SI: variants seen among roughly 807,000 people sequenced by gnomAD.
SI encodes the protein sucrase-isomaltase, intestinal.
SI carries 235 observed loss-of-function variants against 253.3 expected under a neutral mutation model. The ratio of observed to expected loss-of-function variants is 0.93; its 90% CI spans 0.83 to 1.03. The LOEUF is 1.03. SI is among the 50% of genes least tolerant of loss of function. SI has a pLI of 0.00. For synonymous variants in SI, 819 were observed against 712.0 expected (o/e 1.15, Z -2.39); for missense variants, 2,442 against 2,211.1 (o/e 1.10, Z -2.09).
At chr3:165,059,841 T>G in intron 10 of SI, 61 bp downstream of exon 10, 1 of 1,537,700 alleles carries the variant, frequency 6.5e-7, no homozygotes, top group Admixed American at 1.7e-5. Flanking sequence ...TTCCTACAGT[T>G]CTTATTATGT....
chr3:165,065,480 T>C (rs552345559), intron 6 of SI, 48 bp from the exon 7 acceptor site: 1 of 274,156 alleles, frequency 3.6e-6, no homozygotes, highest in Non-Finnish European at 5.9e-6. Context: ...TATATATATA[T>C]ATATATATAT....
intron 2 of SI, among the ~76,000 whole-genome samples, chr3:165,075,151 A>G (rs1254087610): frequency 6.6e-6 from 1 of 151,978 alleles, no homozygotes; most frequent in Non-Finnish European, 1.5e-5. Flanking sequence ...GAAGAATGGT[A>G]GATACCAACG....
intron 14 of SI, 139 bp downstream of exon 14, chr3:165,049,652 A>G (rs1325120267): frequency 3.2e-6 from 2 of 623,516 alleles, no homozygotes; most frequent in South Asian, 2.0e-5. Flanking sequence ...ATTTGTCTGA[A>G]GAAAAGATAA....
At position 165,068,873 on chromosome 3, in the gene SI, T is replaced by C. The variant is rs1294850655; in HGVS notation, c.374-42A>G. 3.9e-6 allele frequency: 5 copies of C among 1,279,302 alleles called. No individual in the cohort carries two copies. In the East Asian group the frequency reaches 9.3e-5, roughly 24 times the overall value. 79.2% of individuals were successfully genotyped at this position (1,279,302 alleles called of 1,614,324 possible). A position where few individuals can be genotyped will look rare whatever the true frequency, so the allele number is the denominator to read the frequency against. ...AAGCTGCCATGAGTGACTTGATTTA[T>C]AATGTTAACAATTATTAAATATATT... On this transcript the variant is annotated intron_variant, in intron 4 of 47. Transcript: ENST00000264382.
intron 16 of SI, among the ~76,000 whole-genome samples, chr3:165,043,833 A>C (rs1258169913): frequency 6.6e-6 from 1 of 152,000 alleles, no homozygotes; most frequent in Non-Finnish European, 1.5e-5. Flanking sequence ...TGTATGCATT[A>C]TAATGTAATT....
chr3:165,041,159 C>T, intron 17 of SI, 65 bp from the exon 18 acceptor site: 1 of 1,417,172 alleles, frequency 7.1e-7, no homozygotes, highest in Non-Finnish European at 9.9e-7. Flanking sequence ...AAAGTAGAAG[C>T]ATTTTAATCT....
In SI at chr3:165,023,791, C is replaced by A; in HGVS notation, c.2893-15G>T. 3 of 1,576,122 alleles carry A rather than the reference C, an allele frequency of 1.9e-6. No individual in the cohort carries two copies. The highest frequency in any genetic ancestry group is 2.6e-6 in the Non-Finnish European group (3 of 1,147,040). ...AGAGAAGAACCCTAAAAACACAATG[C>A]ATGTTCATTGCCAGAAATTATAAGC... On this transcript the variant is annotated splice_polypyrimidine_tract_variant and intron_variant, in intron 25 of 47. Transcript: ENST00000264382.
rs570184778 is a variant in SI at position 165,024,821 on chromosome 3, A to G, written c.2893-1045T>C. On this transcript the variant is annotated intron_variant, in intron 25 of 47. Coordinates refer to ENST00000264382, the MANE Select transcript of SI (RefSeq NM_001041.4). ...TTCTTTACAGCAAAACATACTCACTATCTCTAATTTGTCCCTTGATTTTCT... is the reference window on the plus strand; with the variant it reads ...TTCTTTACAGCAAAACATACTCACTGTCTCTAATTTGTCCCTTGATTTTCT... Among the ~76,000 whole-genome samples the G allele has an allele frequency of 4.6e-5, 7 of 151,168 alleles. No individual in the cohort carries two copies. In the East Asian group the frequency reaches 5.9e-4, roughly 13 times the overall value.
chr3:164,992,347 C>T lies in SI; in HGVS notation c.4892G>A (p.Gly1631Asp), dbSNP rs371948467. Residue 1631 changes from glycine to aspartate, a missense_variant, in exon 42 of 48, where the codon GGT becomes GAT. Transcript: ENST00000264382. ...TWDIFKQFLW[G>D]PAFMVTPVLE... is the part of the protein sequence containing the mutation. ...TACTGGGGTAACCATAAATGCTGGA[C>T]CCCATAAGAACTGCTTGAATATATC... 1.5e-5 allele frequency: 24 copies of T among 1,613,228 alleles called. No homozygotes were observed. Among genetic ancestry groups the T allele is most frequent in the Non-Finnish European group, 2.0e-5 (23 of 1,179,462 alleles).
In SI at chr3:164,979,416, A is replaced by G. The variant is rs776839657; in HGVS notation, c.5430T>C (p.Asp1810=). The G allele has an allele frequency of 1.9e-6, 3 of 1,545,482 alleles. No individual in the cohort carries two copies. The highest frequency in any genetic ancestry group is 1.8e-6 in the Non-Finnish European group (2 of 1,119,258). ...EDTTNMILRI[D]LTTHNVTLEE... is the part of the protein sequence containing the mutation. ...CTAGAGTAACATTGTGTGTGGTCAG[A>G]TCAATACGTAATATCTAAAAAAGTA... Residue 1810 remains aspartate (D), a synonymous_variant, in exon 48 of 48, where the codon GAT becomes GAC. Transcript: ENST00000264382.
At chr3:165,086,452 AG>A in the SI span, among the ~76,000 whole-genome samples, 1 of 152,208 alleles carries the variant, frequency 6.6e-6, no homozygotes, top group African/African-American at 2.4e-5. Flanking sequence ...ATAATATGTC[AG>A]CATCTTTCAC....
Position 165,044,518 on chromosome 3 carries a change from G to C in SI, c.1888-1343C>G, listed in dbSNP as rs185230643. On this transcript the variant is annotated intron_variant, in intron 16 of 47. Transcript: ENST00000264382. ...GCATTTCTCTGATTACAGGGAAATT[G>C]AGAAGTTTTTCATATTTTTATTGGG... is the stretch of plus-strand genomic sequence containing the variant. 1.6e-3 allele frequency among the ~76,000 whole-genome samples: 249 copies of C among 151,984 alleles called. 3 individuals carry two copies. Among genetic ancestry groups the C allele is most frequent in the Non-Finnish European group, 2.0e-3 (134 of 67,874 alleles).
At chr3:164,995,612 TG>T (rs1441232539) in intron 40 of SI, among the ~76,000 whole-genome samples, 1 of 151,690 alleles carries the variant, frequency 6.6e-6, no homozygotes, top group Non-Finnish European at 1.5e-5. Context: ...TTACAATCAT[TG>T]GGTATTTTAC....
At chr3:165,018,652 A>C (rs1164263310) in intron 28 of SI, among the ~76,000 whole-genome samples, 3 of 151,256 alleles carry the variant, frequency 2.0e-5, no homozygotes, top group Non-Finnish European at 4.4e-5. Context: ...TAATATATAT[A>C]AAATTACCAG....
At chr3:165,055,833 T>A (rs1202663308) in intron 12 of SI, among the ~76,000 whole-genome samples, 3 of 152,152 alleles carry the variant, frequency 2.0e-5, no homozygotes, top group Admixed American at 2.0e-4. Context: ...ACTATTTTTA[T>A]CACCACTTAC....
chr3:165,019,329 T>C (rs1256254897), intron 28 of SI, among the ~76,000 whole-genome samples: 1 of 151,954 alleles, frequency 6.6e-6, no homozygotes, highest in African/African-American at 2.4e-5. Flanking sequence ...GCATATTCTT[T>C]GTATGCATTT....
At chr3:164,987,274 A>G in intron 44 of SI, 48 bp from the exon 45 acceptor site, 1 of 1,441,896 alleles carries the variant, frequency 6.9e-7, no homozygotes, top group Non-Finnish European at 9.8e-7. Context: ...AGAATAGCAT[A>G]TGTCTAGTTA....
At chr3:165,003,924 A>G (rs1718373580) in intron 37 of SI, among the ~76,000 whole-genome samples, 1 of 152,070 alleles carries the variant, frequency 6.6e-6, no homozygotes, top group Admixed American at 6.6e-5. Context: ...CAAATAACAA[A>G]TGGTGGGAGT....
At chr3:165,072,315 T>A (rs563656530) in intron 3 of SI, among the ~76,000 whole-genome samples, 1 of 152,172 alleles carries the variant, frequency 6.6e-6, no homozygotes, top group South Asian at 2.1e-4. Context: ...ATTGCTTTAG[T>A]TGATCCGTTA....
Sources: gnomAD v4.1 joint callset for allele counts (sites outside exome capture counted in the v4.1 genomes callset) on GRCh38, gnomAD v4.1.1 for gene constraint, MANE v1.5 for transcripts, NCBI Gene and HGNC (gene_info 2026-07-23, HGNC 2026-07-21) for gene names.